The following CFAP47 variants were observed in gnomAD, a reference collection of about 807,000 sequenced individuals.
CFAP47 encodes cilia and flagella associated protein 47, also known as cilia- and flagella-associated protein 47.
Under a neutral mutation model 148.1 loss-of-function variants are expected in CFAP47, and 29 were observed. That is an observed-to-expected ratio of 0.20 (90% CI 0.15 to 0.27). CFAP47 has a LOEUF of 0.27. Among genes scored for constraint, CFAP47 ranks in the 10% least tolerant of loss-of-function variants. CFAP47 has a pLI of 1.00. For synonymous variants in CFAP47, 664 were observed against 577.3 expected (o/e 1.15, Z -2.15); for missense variants, 1,872 against 1,697.5 (o/e 1.10, Z -1.81).
At chrX:36,246,185 C>G (rs1301206094) in intron 48 of CFAP47, among the ~76,000 whole-genome samples, 1 of 111,196 alleles carries the variant, frequency 9.0e-6, no homozygotes, top group African/African-American at 3.3e-5. Flanking sequence ...GGTCTAAAAC[C>G]CAGAATCTAT....
At chrX:36,248,191 ATATT>A (rs1415387114) in intron 48 of CFAP47, among the ~76,000 whole-genome samples, 2 of 106,202 alleles carry the variant, frequency 1.9e-5, no homozygotes, top group Non-Finnish European at 3.9e-5. Context: ...ATTATGTATT[ATATT>A]TATTATGTAT....
chrX:35,943,291 G>A (rs1255146026), intron 3 of CFAP47, among the ~76,000 whole-genome samples: 3 of 111,695 alleles, frequency 2.7e-5, no homozygotes, highest in Non-Finnish European at 5.7e-5. Context: ...TAGAGTCAAA[G>A]TTCAAATGCT....
chrX:36,081,289 T>C (rs2146772165), intron 29 of CFAP47, among the ~76,000 whole-genome samples: 1 of 111,354 alleles, frequency 9.0e-6, no homozygotes, highest in South Asian at 3.7e-4. Flanking sequence ...CTCTCAAGAT[T>C]GAATCAGGAA....
rs1940025245 is a variant in CFAP47, at chrX:36,205,070, G to T, written c.6777G>T (p.Trp2259Cys). ...TCCCTGAGAAAATCTCCATTCCTTGGATTCCAGAACCTCAAGTAATTAAAC... is the reference window on the plus strand; with the variant it reads ...TCCCTGAGAAAATCTCCATTCCTTGTATTCCAGAACCTCAAGTAATTAAAC... Reference protein sequence around the residue: ...FYIPEKISIPWIPEPQVIKLS... With the variant: ...FYIPEKISIPCIPEPQVIKLS... The change falls in exon 45 of 64, where the codon TGG becomes TGT. Residue 2259 changes from tryptophan to cysteine, a missense_variant. By Grantham distance (215) the Trp-to-Cys change is radical. Coordinates refer to ENST00000378653, the MANE Select transcript of CFAP47 (RefSeq NM_001304548.2). 1.0e-5 allele frequency: 3 copies of T among 295,128 alleles called. No homozygotes were observed. The South Asian group carries it at 6.2e-4, about 61-fold the overall frequency. The allele number at this position is 295,128 out of a possible 1,213,427, so 24.3% of individuals were successfully genotyped here. A position where few individuals can be genotyped will look rare whatever the true frequency, so the allele number is the denominator to read the frequency against.
intron 57 of CFAP47, among the ~76,000 whole-genome samples, chrX:36,328,816 C>CAAAAAA (rs782618340): frequency 8.9e-5 from 5 of 56,303 alleles, no homozygotes; most frequent in Non-Finnish European, 9.9e-5. Context: ...GACTCTGTCT[C>CAAAAAA]AAAAAAAAAA....
At chrX:36,069,031 G>A (rs1040503991) in intron 27 of CFAP47, among the ~76,000 whole-genome samples, 1 of 109,723 alleles carries the variant, frequency 9.1e-6, no homozygotes, top group Non-Finnish European at 1.9e-5. Context: ...TCTACTTCCA[G>A]GGGGAGGATT....
At chrX:36,364,901 C>CATATATATATATATAT (rs60748143) in intron 61 of CFAP47, among the ~76,000 whole-genome samples, 1 of 67,357 alleles carries the variant, frequency 1.5e-5, no homozygotes, top group Admixed American at 2.0e-4. Context: ...ATATTTTGTG[C>CATATATATATATATAT]ATATATATAT....
intron 63 of CFAP47, among the ~76,000 whole-genome samples, chrX:36,384,013 GA>G (rs1334947599): frequency 9.0e-6 from 1 of 111,690 alleles, no homozygotes; most frequent in Non-Finnish European, 1.9e-5. Flanking sequence ...TGTCAGCAAT[GA>G]TCCTACATCA....
At chrX:35,923,831 GTA>G (rs760776173) in intron 1 of CFAP47, among the ~76,000 whole-genome samples, 11,044 of 92,052 alleles carry the variant, frequency 0.12, 769 homozygotes, top group South Asian at 0.21. Context: ...AAAAAAAAGT[GTA>G]TATATATATA....
At chrX:36,218,369 C>T (rs1467866716) in intron 45 of CFAP47, among the ~76,000 whole-genome samples, 1 of 111,521 alleles carries the variant, frequency 9.0e-6, no homozygotes, top group African/African-American at 3.3e-5. Context: ...CTTGAAAGGT[C>T]CCCTCCTAAT....
chrX:36,361,582 C>T (rs1941829204), intron 61 of CFAP47, 81 bp downstream of exon 61: 1 of 417,874 alleles, frequency 2.4e-6, no homozygotes, highest in African/African-American at 2.6e-5. Context: ...CTTTTTATTT[C>T]TCAATATTTG....
At chrX:35,985,610 C>A (rs1251146850) in intron 15 of CFAP47, among the ~76,000 whole-genome samples, 1 of 111,095 alleles carries the variant, frequency 9.0e-6, no homozygotes, top group Non-Finnish European at 1.9e-5. Flanking sequence ...CCAGGAAGCA[C>A]CCTGGTTGGG....
chrX:36,169,018 T>G (rs1451247689), intron 39 of CFAP47, among the ~76,000 whole-genome samples: 1 of 111,612 alleles, frequency 9.0e-6, no homozygotes. Context: ...TTTAAAAATT[T>G]TTTTGAAGGA....
In CFAP47 at chrX:35,975,320, A is replaced by G. The variant is rs756066958; in HGVS notation, c.2428A>G (p.Ile810Val). Residue 810 changes from isoleucine to valine, a missense_variant, in exon 14 of 64, where the codon ATT becomes GTT. Coordinates refer to ENST00000378653, the MANE Select transcript of CFAP47 (RefSeq NM_001304548.2). ...YVILPTSSTY[I>V]SMVFDSPTIG... Reference sequence around the variant, plus strand: ...GATTCTACCTACATCCAGTACTTATATTTCAATGGTATTTGACTCTCCCAC... The same window carrying G: ...GATTCTACCTACATCCAGTACTTATGTTTCAATGGTATTTGACTCTCCCAC... 8 of 1,204,876 alleles carry G rather than the reference A, an allele frequency of 6.6e-6. No homozygotes were observed. Among genetic ancestry groups the G allele is most frequent in the Non-Finnish European group, 9.0e-6 (8 of 891,523 alleles).
At chrX:36,044,626 C>T (rs1937444114) in intron 25 of CFAP47, among the ~76,000 whole-genome samples, 3 of 112,022 alleles carry the variant, frequency 2.7e-5, no homozygotes, top group African/African-American at 9.7e-5. Flanking sequence ...CAATAAGTTC[C>T]TCATCTCTAT....
At chrX:36,141,521 C>T (rs1939140000) in intron 35 of CFAP47, among the ~76,000 whole-genome samples, 1 of 111,028 alleles carries the variant, frequency 9.0e-6, no homozygotes, top group Non-Finnish European at 1.9e-5. Context: ...CTTCAACCTC[C>T]TCTGAAAACA....
intron 22 of CFAP47, among the ~76,000 whole-genome samples, chrX:36,015,727 G>T (rs1272957042): frequency 1.8e-5 from 2 of 111,189 alleles, no homozygotes; most frequent in African/African-American, 6.5e-5. Context: ...AATTTCTTTT[G>T]GAAAGTAATC....
At chrX:36,049,700 A>C (rs1026412352) in intron 26 of CFAP47, among the ~76,000 whole-genome samples, 3 of 112,254 alleles carry the variant, frequency 2.7e-5, no homozygotes, top group Non-Finnish European at 5.6e-5. Flanking sequence ...GTGACTGTGT[A>C]TTCAAAGAAC....
At chrX:36,362,409 A>G (rs1393573016) in intron 61 of CFAP47, among the ~76,000 whole-genome samples, 1 of 112,385 alleles carries the variant, frequency 8.9e-6, no homozygotes, top group Non-Finnish European at 1.9e-5. Context: ...AAGTGAGAAC[A>G]TGCAGTATTT....
Sources: allele counts gnomAD v4.1 joint callset (sites outside exome capture counted in the v4.1 genomes callset), GRCh38; gene constraint gnomAD v4.1.1; transcripts MANE v1.5; gene names NCBI Gene and HGNC (gene_info 2026-07-23, HGNC 2026-07-21).